The following IMPG1 variants were observed in gnomAD, a reference collection of about 807,000 sequenced individuals.
IMPG1 encodes interphotoreceptor matrix proteoglycan of 150 kDa.
A neutral mutation model predicts 92.0 loss-of-function variants in IMPG1; 85 were observed. That is an observed-to-expected ratio of 0.92 (90% CI 0.78 to 1.11). IMPG1 has a LOEUF of 1.11. Ranked by LOEUF, IMPG1 falls within the 50% of genes least tolerant of loss-of-function variation. The pLI is 0.00. For synonymous variants in IMPG1, 367 were observed against 334.1 expected, an observed-to-expected ratio of 1.10 and a Z score of -1.08; for missense variants, 1,022 against 956.0, an observed-to-expected ratio of 1.07 and a Z score of -0.91.
chr6:75,970,052 G>A (rs1173781638), intron 12 of IMPG1, among the ~76,000 whole-genome samples: 4 of 152,136 alleles, frequency 2.6e-5, no homozygotes, highest in African/African-American at 9.7e-5. Flanking sequence ...CAGAATTGAG[G>A]ATGGGATAGA....
intron 7 of IMPG1, 27 bp downstream of exon 7, chr6:76,018,691 G>C: frequency 6.2e-7 from 1 of 1,606,412 alleles, no homozygotes; most frequent in Non-Finnish European, 8.5e-7. Context: ...AGCTTGAGGT[G>C]TGGTTGTATG....
Position 76,025,135 on chromosome 6 carries a change from A to C in IMPG1, c.562+59T>G, listed in dbSNP as rs987731470. The C allele has an allele frequency of 7.5e-6, 7 of 933,400 alleles. No individual in the cohort carries two copies. The African/African-American group carries it at 9.9e-5, about 13-fold the overall frequency. 57.8% of individuals were successfully genotyped at this position (933,400 alleles called of 1,614,324 possible). ...AATTAGGAATTGTTTTATAAATAAC[A>C]TGCTATCATGATGATTTGAATGAAA... On this transcript the variant is annotated intron_variant, in intron 5 of 16. Coordinates refer to ENST00000369950, the MANE Select transcript of IMPG1 (RefSeq NM_001563.4).
intron 12 of IMPG1, among the ~76,000 whole-genome samples, chr6:75,979,154 G>C (rs1262279948): frequency 2.0e-5 from 3 of 151,980 alleles, no homozygotes; most frequent in Admixed American, 1.3e-4. Context: ...TGGGCTCAAG[G>C]AATCTGCCCA....
At chr6:76,069,407 T>C (rs1360564228) in intron 1 of IMPG1, among the ~76,000 whole-genome samples, 4 of 151,868 alleles carry the variant, frequency 2.6e-5, no homozygotes, top group Non-Finnish European at 5.9e-5. Context: ...CTGTGCACAG[T>C]AAAAGAAATA....
At chr6:76,018,619 G>A in intron 7 of IMPG1, 99 bp downstream of exon 7, 1 of 1,074,372 alleles carries the variant, frequency 9.3e-7, no homozygotes, top group Non-Finnish European at 1.3e-6. Flanking sequence ...ATGAATGCCA[G>A]GAGAAGCTGG....
In IMPG1 at chr6:75,923,685, A is replaced by AT; in HGVS notation, c.2264dup (p.Asn755LysfsTer7). On this transcript the variant is annotated frameshift_variant, in exon 16 of 17. Coordinates refer to ENST00000369950, the MANE Select transcript of IMPG1 (RefSeq NM_001563.4). LOFTEE classifies it high-confidence loss of function. The stretch of plus-strand genomic sequence containing the variant: ...TTTTAACACTAGTTTTGTATGCTTG[A>AT]TTTTCAGAGTGATCTGGCAACCTAC... 1.3e-6 allele frequency: 2 copies of AT among 1,597,102 alleles called. No homozygotes were observed. The highest frequency in any genetic ancestry group is 1.7e-6 in the Non-Finnish European group (2 of 1,165,968).
At chr6:75,987,341 C>T (rs1782733959) in intron 12 of IMPG1, among the ~76,000 whole-genome samples, 2 of 149,540 alleles carry the variant, frequency 1.3e-5, no homozygotes, top group South Asian at 4.3e-4. Flanking sequence ...TTCTAGGGTA[C>T]ATGTGCACAA....
chr6:76,054,519 CA>C (rs1192132026), intron 1 of IMPG1, among the ~76,000 whole-genome samples: 3 of 151,870 alleles, frequency 2.0e-5, no homozygotes, highest in Non-Finnish European at 4.4e-5. Flanking sequence ...ATATTTAAAT[CA>C]AAAGACACAG....
chr6:75,949,268 A>AGGATGAGAAAGGAAGTCGGCAC (rs1781985236), intron 13 of IMPG1, among the ~76,000 whole-genome samples: 1 of 152,198 alleles, frequency 6.6e-6, no homozygotes, highest in African/African-American at 2.4e-5. Flanking sequence ...CACAGGTCAT[A>AGGATGAGAAAGGAAGTCGGCAC]AAGACCTTAC....
chr6:75,928,666 T>C (rs1244219737), intron 15 of IMPG1: 1 of 152,214 alleles, frequency 6.6e-6, no homozygotes, highest in East Asian at 1.9e-4. Context: ...TTCTCATTAT[T>C]AAAAATCCTG....
rs561472573 is a variant in IMPG1 at position 75,964,185 on chromosome 6, C to T, written c.1292-13091G>A. Among the ~76,000 whole-genome samples the T allele has an allele frequency of 3.0e-4, 46 of 152,270 alleles. 1 individual carries two copies. Among genetic ancestry groups the T allele is most frequent in the African/African-American group, 1.1e-3 (46 of 41,564 alleles). On this transcript the variant is annotated intron_variant, in intron 12 of 16. Transcript: ENST00000369950. ...GCATTAAATTCTCATCTCTGTCTGACCTTCAAAGTTCTGCAAAAGCACGAA... is the reference window on the plus strand; with the variant it reads ...GCATTAAATTCTCATCTCTGTCTGATCTTCAAAGTTCTGCAAAAGCACGAA...
At chr6:75,985,098 T>C (rs1043588334) in intron 12 of IMPG1, among the ~76,000 whole-genome samples, 1 of 152,242 alleles carries the variant, frequency 6.6e-6, no homozygotes. Flanking sequence ...ATTTTTGTCA[T>C]TTAAATATAA....
intron 15 of IMPG1, among the ~76,000 whole-genome samples, chr6:75,925,779 C>A (rs1195981020): frequency 6.6e-6 from 1 of 152,186 alleles, no homozygotes; most frequent in African/African-American, 2.4e-5. Context: ...GATTCTCCTG[C>A]CTCAGCCTCC....
chr6:75,954,361 C>G (rs529300216), intron 12 of IMPG1, among the ~76,000 whole-genome samples: 3 of 152,208 alleles, frequency 2.0e-5, no homozygotes, highest in African/African-American at 7.2e-5. Flanking sequence ...CTCTAATGAC[C>G]AGTGATGATG....
chr6:76,069,942 G>C (rs1305113703), intron 1 of IMPG1, among the ~76,000 whole-genome samples: 1 of 152,106 alleles, frequency 6.6e-6, no homozygotes, highest in African/African-American at 2.4e-5. Context: ...GGTCCCCATG[G>C]ACATAAAGAT....
chr6:75,928,522 G>A (rs1261989227), intron 15 of IMPG1: 1 of 152,138 alleles, frequency 6.6e-6, no homozygotes, highest in Non-Finnish European at 1.5e-5. Flanking sequence ...TGGCTGGTCT[G>A]AACATAGTGA....
chr6:76,042,103 A>C lies in IMPG1; in HGVS notation c.91T>G (p.Ser31Ala), dbSNP rs1056715458. 1 of 1,580,408 alleles carries C rather than the reference A, an allele frequency of 6.3e-7. No individual in the cohort carries two copies. Among genetic ancestry groups the C allele is most frequent in the African/African-American group, 1.3e-5 (1 of 74,360 alleles). Residue 31 changes from serine (S) to alanine (A), a missense_variant, in exon 2 of 17, where the codon TCT becomes GCT. Ser to Ala is a moderately conservative substitution (Grantham distance 99). Around this residue, in one of 3 missense-constraint regions of IMPG1, gnomAD observed 681 missense variants for 583.6 expected, o/e 1.17. Transcript: ENST00000369950. ...GGATTGTCTATGTCTTTAGTTTCAG[A>C]ATGGTATATGTTAATGGAGATATCT... ...TKDISINIYH[S>A]ETKDIDNPPR...
intron 2 of IMPG1, among the ~76,000 whole-genome samples, chr6:76,036,909 A>C (rs2478082): frequency 0.18 from 27,058 of 151,790 alleles, 2,563 homozygotes; most frequent in African/African-American, 0.23. Flanking sequence ...CTTGACAAAA[A>C]ACTAGATGTC....
At chr6:76,050,641 T>C (rs1204255305) in intron 1 of IMPG1, among the ~76,000 whole-genome samples, 1 of 152,182 alleles carries the variant, frequency 6.6e-6, no homozygotes, top group Non-Finnish European at 1.5e-5. Context: ...TTCCTTCCAG[T>C]ACCAAAGTTG....
Sources: gnomAD v4.1 joint callset for allele counts (sites outside exome capture counted in the v4.1 genomes callset) on GRCh38, gnomAD v4.1.1 for gene constraint, gnomAD v4.1.1 regional missense constraint, MANE v1.5 for transcripts, NCBI Gene and HGNC (gene_info 2026-07-23, HGNC 2026-07-21) for gene names.